Variants in ZAN observed in about 807,000 individuals in gnomAD.
The protein encoded by ZAN is zonadhesin (gene/pseudogene).
A neutral mutation model predicts 286.2 loss-of-function variants in ZAN; 260 were observed. The observed-to-expected ratio is 0.91, with a 90% confidence interval of 0.82 to 1.01. ZAN has a LOEUF of 1.01. Among genes scored for constraint, ZAN ranks in the 50% least tolerant of loss-of-function variants. The pLI is 0.00. For missense variants in ZAN, 3,410 were observed against 3,639.2 expected (o/e 0.94, Z 1.62); for synonymous variants, 1,368 against 1,417.5 (o/e 0.97, Z 0.79).
In ZAN at chr7:100,767,140, T is replaced by G. The variant is rs764956993; in HGVS notation, c.4743T>G (p.Phe1581Leu). ...PCWSRSQDSYFVVSATNENRG... is the reference protein window; with the variant it reads ...PCWSRSQDSYLVVSATNENRG... The stretch of plus-strand genomic sequence containing the variant: ...GGTCCAGGTCCCAAGACAGCTATTT[T>G]GTTGTGAGCGCCACCAACGAGAACC... The change falls in exon 25 of 48, where the codon TTT becomes TTG. Residue 1581 changes from phenylalanine to leucine, a missense_variant. Physicochemically the swap from Phe to Leu is conservative, Grantham distance 22 (BLOSUM62 0). This residue lies in a region of ZAN where 1,042 missense variants were observed against 1,058.0 expected (regional missense o/e 0.98). Coordinates refer to ENST00000613979, the MANE Select transcript of ZAN (RefSeq NM_003386.3). The G allele has an allele frequency of 1.2e-6, 2 of 1,613,824 alleles. No individual in the cohort carries two copies. The highest frequency in any genetic ancestry group is 2.2e-5 in the South Asian group (2 of 91,066).
chr7:100,744,573 G>A (rs1808048885), intron 7 of ZAN, among the ~76,000 whole-genome samples: 1 of 150,840 alleles, frequency 6.6e-6, no homozygotes, highest in African/African-American at 2.4e-5. Flanking sequence ...ACTCCAGCCT[G>A]GGCAACAGAG....
In ZAN at chr7:100,797,485, G is replaced by A. The variant is rs966501740; in HGVS notation, c.8366+20G>A. On this transcript the variant is annotated intron_variant, in intron 46 of 47. Transcript: ENST00000613979. ...GAAGAGGTGAGTCCTGGGAAGGAGA[G>A]AGGAAGGGCGGGTGGGGTGTGCAAA... 2 of 1,613,874 alleles carry A rather than the reference G, an allele frequency of 1.2e-6. No homozygotes were observed. The highest frequency in any genetic ancestry group is 1.7e-6 in the Non-Finnish European group (2 of 1,179,812).
In ZAN at chr7:100,776,440, G is replaced by A. The variant is rs368493595; in HGVS notation, c.6193G>A (p.Val2065Ile). Reference sequence around the variant, plus strand: ...CCGAAAAACCACTCTCCCCCGCCAGGTCTGCGGCATGTGTGGGAACTTCAA... The same window carrying A: ...CCGAAAAACCACTCTCCCCCGCCAGATCTGCGGCATGTGTGGGAACTTCAA... ...IEIPTTYYGK[V>I]CGMCGNFNDE... The change falls in exon 34 of 48, where the codon GTC becomes ATC. Residue 2065 changes from valine to isoleucine, a missense_variant and splice_region_variant. This residue lies in a region of ZAN where 1,289 missense variants were observed against 1,314.3 expected (regional missense o/e 0.98). Coordinates refer to ENST00000613979, the MANE Select transcript of ZAN (RefSeq NM_003386.3). 1.8e-5 allele frequency: 29 copies of A among 1,605,294 alleles called. No homozygotes were observed. Among genetic ancestry groups the A allele is most frequent in the African/African-American group, 1.6e-4 (12 of 74,824 alleles).
rs768272934 is a variant in ZAN, at chr7:100,752,498, C to T, written c.2393C>T (p.Thr798Ile). 1.2e-6 allele frequency: 2 copies of T among 1,611,170 alleles called. No homozygotes were observed. The highest frequency in any genetic ancestry group is 2.7e-5 in the African/African-American group (2 of 74,162). ...TIPTEKPTISTEEPTTPTEET... is the reference protein window; with the variant it reads ...TIPTEKPTISIEEPTTPTEET... ...CCCACAGAAAAACCCACCATCTCCA[C>T]AGAAGAGCCCACCACCCCCACTGAG... is the stretch of plus-strand genomic sequence containing the variant. Residue 798 changes from threonine to isoleucine, a missense_variant, in exon 14 of 48, where the codon ACA (threonine) becomes ATA (isoleucine). Around this residue, in one of 7 missense-constraint regions of ZAN, gnomAD observed 90 missense variants for 87.1 expected, o/e 1.03. Transcript: ENST00000613979.
At position 100,758,617 on chromosome 7, in the gene ZAN, T is replaced by G. The variant is rs1809327948; in HGVS notation, c.3538T>G (p.Tyr1180Asp). ...CTTTGGCTTCATGGGCAAGTGCACTTACATCTTGGCCCAGCCCTGTGGCAA... is the reference window on the plus strand; with the variant it reads ...CTTTGGCTTCATGGGCAAGTGCACTGACATCTTGGCCCAGCCCTGTGGCAA... ...RHFGFMGKCT[Y>D]ILAQPCGNST... is the part of the protein sequence containing the mutation. Residue 1180 changes from tyrosine to aspartate, a missense_variant, in exon 17 of 48, where the codon TAC (tyrosine) becomes GAC (aspartate). Tyr to Asp is a radical substitution (Grantham distance 160, BLOSUM62 -3). Around this residue, in one of 7 missense-constraint regions of ZAN, gnomAD observed 1,042 missense variants for 1,058.0 expected, o/e 0.98. Coordinates refer to ENST00000613979, the MANE Select transcript of ZAN (RefSeq NM_003386.3). 1.3e-6 allele frequency: 2 copies of G among 1,560,782 alleles called. No individual in the cohort carries two copies. Among genetic ancestry groups the G allele is most frequent in the Non-Finnish European group, 1.7e-6 (2 of 1,152,446 alleles).
intron 26 of ZAN, 132 bp downstream of exon 26, chr7:100,768,143 C>T: frequency 8.2e-7 from 1 of 1,216,972 alleles, no homozygotes. Flanking sequence ...GGACATTAGG[C>T]ATGAAGGTAG....
chr7:100,767,804 C>G lies in ZAN; in HGVS notation c.4861-27C>G, dbSNP rs767531659. 4 of 1,599,286 alleles carry G rather than the reference C, an allele frequency of 2.5e-6. No individual in the cohort carries two copies. In the South Asian group the frequency reaches 4.5e-5, roughly 18 times the overall value. On this transcript the variant is annotated intron_variant, in intron 25 of 47. Transcript: ENST00000613979. ...TATCCCGAGTTCTTTCCTGACTCTC[C>G]TTTCTACGTCCTCCCTGCCTCTGCA...
rs1809758627 is a variant in ZAN at position 100,763,881 on chromosome 7, C to T, written c.4062C>T (p.Phe1354=). 1 of 1,613,904 alleles carries T rather than the reference C, an allele frequency of 6.2e-7. No homozygotes were observed. The highest frequency in any genetic ancestry group is 8.5e-7 in the Non-Finnish European group (1 of 1,179,900). ...AGAGCAGCATGTCGGGGCCAGGGTTCTGTGGACGGCTGGTCGACACTCATG... is the reference window on the plus strand; with the variant it reads ...AGAGCAGCATGTCGGGGCCAGGGTTTTGTGGACGGCTGGTCGACACTCATG... ...SLQSSMSGPG[F]CGRLVDTHGP... The change falls in exon 21 of 48, where the codon TTC becomes TTT. Residue 1354 remains phenylalanine (F), a synonymous_variant. Transcript: ENST00000613979. The surrounding 1 kb of genome is among the most constrained non-coding windows in gnomAD (Gnocchi z 4.6).
At position 100,737,369 on chromosome 7, in the gene ZAN, C is replaced by G; in HGVS notation, c.613+20C>G. On this transcript the variant is annotated intron_variant, in intron 6 of 47. Coordinates refer to ENST00000613979, the MANE Select transcript of ZAN (RefSeq NM_003386.3). ...ATCGCGGTGAGTCCCTGTCCCTCCT[C>G]CCGCCTGCCCTCGGACCCTTTTCTC... 1 of 1,395,248 alleles carries G rather than the reference C, an allele frequency of 7.2e-7. No homozygotes were observed. The highest frequency in any genetic ancestry group is 2.3e-5 in the Admixed American group (1 of 43,610). 86.4% of individuals were successfully genotyped at this position (1,395,248 alleles called of 1,614,324 possible). A position where few individuals can be genotyped will look rare whatever the true frequency, so the allele number is the denominator to read the frequency against.
intron 45 of ZAN, among the ~76,000 whole-genome samples, chr7:100,796,733 C>T (rs970424801): frequency 6.6e-6 from 1 of 151,970 alleles, no homozygotes; most frequent in Non-Finnish European, 1.5e-5. Flanking sequence ...GCATTTTCAA[C>T]AAGGGCCCAG....
intron 22 of ZAN, 80 bp downstream of exon 22, chr7:100,764,276 A>G (rs1809799296): frequency 1.4e-6 from 2 of 1,418,926 alleles, no homozygotes; most frequent in Non-Finnish European, 1.8e-6. Context: ...AGTCCGAGGC[A>G]GGTGGATCAT....
rs550673457 is a variant in ZAN, at chr7:100,773,536, C to G, written c.5634+43C>G. The G allele has an allele frequency of 8.1e-6, 13 of 1,602,482 alleles. No individual in the cohort carries two copies. In the East Asian group the frequency reaches 2.9e-4, roughly 36 times the overall value. ...AGGGGCCCCGCCCTTTCCAGGCCCA[C>G]ATGTTTGGGGTCAGGGCAAGCTCAG... On this transcript the variant is annotated intron_variant, in intron 30 of 47. Coordinates refer to ENST00000613979, the MANE Select transcript of ZAN (RefSeq NM_003386.3).
At chr7:100,794,693 C>T (rs1057247264) in intron 44 of ZAN, among the ~76,000 whole-genome samples, 2 of 151,938 alleles carry the variant, frequency 1.3e-5, no homozygotes, top group Non-Finnish European at 1.5e-5. Context: ...AAAAAAAGAG[C>T]TGAGTGTGGT....
At chr7:100,764,630 A>T (rs760307903) in intron 22 of ZAN, among the ~76,000 whole-genome samples, 10 of 151,926 alleles carry the variant, frequency 6.6e-5, no homozygotes, top group Non-Finnish European at 1.5e-4. Context: ...CGGAGGTTGC[A>T]GTGAGCCGAG....
At chr7:100,790,247 G>C (rs923953449) in intron 39 of ZAN, among the ~76,000 whole-genome samples, 16 of 152,036 alleles carry the variant, frequency 1.1e-4, no homozygotes, top group African/African-American at 3.4e-4. Flanking sequence ...CTGGGCAACA[G>C]AGCAAGACCC....
rs1225138852 is a variant in ZAN, at chr7:100,742,305, T to G, written c.766+3692T>G. Among the ~76,000 whole-genome samples, 5 of 70,828 alleles carry G rather than the reference T, an allele frequency of 7.1e-5. 2 individuals are homozygous for G. The East Asian group carries it at 1.8e-3, about 25-fold the overall frequency. 46.5% of individuals were successfully genotyped at this position (70,828 alleles called of 152,430 possible). ...AGAGACGCTCCTCACTTCCTAGATG[T>G]GATGGCGGCTGGGAAGAGGCGCTCC... On this transcript the variant is annotated intron_variant, in intron 7 of 47. Coordinates refer to ENST00000613979, the MANE Select transcript of ZAN (RefSeq NM_003386.3).
At chr7:100,768,934 C>G (rs977699055) in intron 27 of ZAN, among the ~76,000 whole-genome samples, 10 of 152,162 alleles carry the variant, frequency 6.6e-5, no homozygotes, top group African/African-American at 2.4e-4. Flanking sequence ...GCTGATTTCT[C>G]CCATGCTTAG....
At chr7:100,749,393 C>T (rs1000475504) in intron 11 of ZAN, among the ~76,000 whole-genome samples, 25 of 150,590 alleles carry the variant, frequency 1.7e-4, no homozygotes, top group Non-Finnish European at 3.0e-4. Context: ...GTAATCCCAG[C>T]ACTTTGGGAG....
At chr7:100,782,176 T>A (rs1226074335) in intron 35 of ZAN, among the ~76,000 whole-genome samples, 1 of 147,788 alleles carries the variant, frequency 6.8e-6, no homozygotes, top group Non-Finnish European at 1.5e-5. Flanking sequence ...CAGTCCTTTT[T>A]GTTTTCATCT....
Sources: gnomAD v4.1 joint callset for allele counts (sites outside exome capture counted in the v4.1 genomes callset) on GRCh38, gnomAD v4.1.1 for gene constraint, gnomAD v4.1.1 regional missense constraint, Gnocchi (gnomAD v3.1) non-coding constraint, MANE v1.5 for transcripts, NCBI Gene and HGNC (gene_info 2026-07-23, HGNC 2026-07-21) for gene names.